Variants in RPS24 observed in about 807,000 individuals in gnomAD.
The protein encoded by RPS24 is ribosomal protein S24, also known as small ribosomal subunit protein eS24.
For synonymous variants in RPS24, 72 were observed against 55.6 expected (o/e 1.30, Z -1.31); for missense variants, 100 against 162.5 (o/e 0.62, Z 2.09).
intron 4 of RPS24, chr10:78,038,117 G>A (rs1192855171): frequency 9.5e-6 from 4 of 419,908 alleles, no homozygotes; most frequent in East Asian, 8.1e-5. Context: ...TTAGGCTGGT[G>A]CAAAAGTAAT....
At chr10:78,033,985 AG>A (rs1847799416) in intron 1 of RPS24, 81 bp downstream of exon 1, 6 of 1,540,682 alleles carry the variant, frequency 3.9e-6, no homozygotes, top group Non-Finnish European at 5.4e-6. Flanking sequence ...CTTGAGCTAT[AG>A]GCACGCGAAG....
At chr10:78,043,554 G>C (rs1405142626), downstream of RPS24, among the ~76,000 whole-genome samples, 3 of 152,128 alleles carry the variant, frequency 2.0e-5, no homozygotes, top group South Asian at 6.2e-4. Context: ...TATTGAACAA[G>C]TGTTAGATGG....
At chr10:78,041,886 A>G (rs1318896630), downstream of RPS24, among the ~76,000 whole-genome samples, 4 of 152,246 alleles carry the variant, frequency 2.6e-5, no homozygotes, top group Admixed American at 2.6e-4. Context: ...GAAGGTTGGC[A>G]TCAAAGTCAC....
At chr10:78,044,534 T>C (rs1255557330), downstream of RPS24, among the ~76,000 whole-genome samples, 1 of 152,072 alleles carries the variant, frequency 6.6e-6, no homozygotes, top group Non-Finnish European at 1.5e-5. Context: ...GACACCTGAC[T>C]CATTTGTGCT....
chr10:78,034,256 C>T (rs1374783875), intron 1 of RPS24: 3 of 448,478 alleles, frequency 6.7e-6, no homozygotes, highest in East Asian at 4.0e-5. Context: ...AGGTAGGCGG[C>T]TTGCAGGTGA....
intron 5 of RPS24, 146 bp downstream of exon 5, chr10:78,040,371 CAG>C: frequency 1.3e-6 from 1 of 774,530 alleles, no homozygotes. Context: ...AAAATACTAA[CAG>C]TGACATGGTT....
chr10:78,053,157 A>C lies in RPS24; in HGVS notation c.391-1374A>C, dbSNP rs372849686. ...AACAAGAGTGAAATTCCGTCTCAAA[A>C]AAACAAACAAAAACAACAACAACAA... On this transcript the variant is annotated intron_variant, in intron 4 of 4. Coordinates refer to the RPS24 transcript ENST00000440692. Among the ~76,000 whole-genome samples the C allele has an allele frequency of 3.4e-5, 5 of 148,766 alleles. No individual in the cohort carries two copies. In the East Asian group the frequency reaches 6.0e-4, roughly 18 times the overall value.
chr10:78,043,882 CAA>C (rs978080668), downstream of RPS24, among the ~76,000 whole-genome samples: 1 of 152,056 alleles, frequency 6.6e-6, no homozygotes, highest in Non-Finnish European at 1.5e-5. Flanking sequence ...TGGGATCACC[CAA>C]AAGTGATGAT....
downstream of RPS24, among the ~76,000 whole-genome samples, chr10:78,045,205 C>T (rs1234139804): frequency 1.3e-5 from 2 of 151,848 alleles, no homozygotes; most frequent in Non-Finnish European, 2.9e-5. Context: ...TCAGGCTGGT[C>T]TTGAACTCCT....
At chr10:78,045,844 AT>A in intron 4 of RPS24, among the ~76,000 whole-genome samples, 1 of 152,156 alleles carries the variant, frequency 6.6e-6, no homozygotes, top group South Asian at 2.1e-4. Flanking sequence ...TCTACTAAAA[AT>A]ACAAAAATTA....
intron 4 of RPS24, among the ~76,000 whole-genome samples, chr10:78,047,931 GC>G (rs1051192872): frequency 9.2e-5 from 14 of 152,166 alleles, no homozygotes; most frequent in African/African-American, 3.1e-4. Context: ...CCTTAGCTCT[GC>G]CCCACCACAC....
At chr10:78,036,091 T>G (rs1389718708) in intron 3 of RPS24, 2 of 341,334 alleles carry the variant, frequency 5.9e-6, no homozygotes, top group Non-Finnish European at 1.1e-5. Context: ...AGGAAAAGTT[T>G]TTGATTGTAT....
chr10:78,054,936 G>T (rs1342542352), exon 5 of RPS24: 7 of 1,502,860 alleles, frequency 4.7e-6, no homozygotes, highest in Non-Finnish European at 6.2e-6. Context: ...CAAGTCTTTT[G>T]GCCCTTTCTT....
chr10:78,053,693 A>G (rs1432785253), intron 4 of RPS24, among the ~76,000 whole-genome samples: 1 of 152,082 alleles, frequency 6.6e-6, no homozygotes, highest in Non-Finnish European at 1.5e-5. Context: ...GAACGTCTGC[A>G]CCACAGCCCC....
chr10:78,053,168 AAACAAC>A (rs1554843544), intron 4 of RPS24, among the ~76,000 whole-genome samples: 1 of 141,672 alleles, frequency 7.1e-6, no homozygotes, highest in African/African-American at 2.6e-5. Context: ...AAACAAACAA[AAACAAC>A]AACAACAACA....
intron 4 of RPS24, among the ~76,000 whole-genome samples, chr10:78,051,719 A>T (rs1158876461): frequency 2.0e-5 from 3 of 152,156 alleles, no homozygotes; most frequent in African/African-American, 7.2e-5. Context: ...ATCCTTCCTG[A>T]CACTTGTTAT....
intron 4 of RPS24, chr10:78,037,539 A>C (rs1201504766): frequency 7.1e-6 from 4 of 560,038 alleles, no homozygotes; most frequent in Non-Finnish European, 1.2e-5. Flanking sequence ...TCTGGAGGCC[A>C]CATTGGTTCA....
At chr10:78,040,814 A>G (rs1847976757), downstream of RPS24, 1 of 747,898 alleles carries the variant, frequency 1.3e-6, no homozygotes, top group South Asian at 1.7e-5. Context: ...TGAAAACTTA[A>G]TGTCATGGGG....
chr10:78,041,269 G>A (rs565742100), downstream of RPS24, among the ~76,000 whole-genome samples: 67 of 152,324 alleles, frequency 4.4e-4, no homozygotes, highest in Middle Eastern at 3.4e-3. Context: ...TTGCAGGAAG[G>A]AAGGGTAGTG....
Sources: gnomAD v4.1 joint callset for allele counts (sites outside exome capture counted in the v4.1 genomes callset) on GRCh38, gnomAD v4.1.1 for gene constraint, MANE v1.5 for transcripts, NCBI Gene and HGNC (gene_info 2026-07-23, HGNC 2026-07-21) for gene names.